The following EYA2 variants were observed in gnomAD, a reference collection of about 807,000 sequenced individuals.
The protein encoded by EYA2 is EYA transcriptional coactivator and phosphatase 2.
In EYA2, 31 loss-of-function variants were observed where a neutral mutation model predicts 69.2. The ratio of observed to expected loss-of-function variants is 0.45; its 90% CI spans 0.34 to 0.60. The LOEUF is 0.60. EYA2 is among the 20% of genes least tolerant of loss of function. EYA2 has a pLI of 0.02. For synonymous variants in EYA2, 257 were observed against 279.4 expected (o/e 0.92, Z 0.80); for missense variants, 622 against 701.2 (o/e 0.89, Z 1.28).
intron 1 of EYA2, among the ~76,000 whole-genome samples, chr20:46,976,927 TAAC>T (rs1468015525): frequency 6.6e-6 from 1 of 152,092 alleles, no homozygotes; most frequent in Non-Finnish European, 1.5e-5. Context: ...TTCGTTCTCA[TAAC>T]AACAACATGG....
intron 11 of EYA2, 86 bp downstream of exon 11, chr20:47,169,283 G>A: frequency 2.2e-6 from 3 of 1,345,502 alleles, no homozygotes; most frequent in Non-Finnish European, 3.2e-6. Flanking sequence ...GGTGGGAGAG[G>A]AGGGCTGCTT....
intron 9 of EYA2, among the ~76,000 whole-genome samples, chr20:47,124,895 GAGGC>G (rs2033140071): frequency 6.6e-6 from 1 of 150,984 alleles, no homozygotes; most frequent in Admixed American, 6.6e-5. Context: ...AAAATTCTAA[GAGGC>G]TGAATAGTTG....
chr20:46,922,750 G>A (rs949484746), intron 1 of EYA2, among the ~76,000 whole-genome samples: 5 of 152,170 alleles, frequency 3.3e-5, no homozygotes, highest in Non-Finnish European at 7.3e-5. Flanking sequence ...CTGAATTTGG[G>A]GTGGGGATGT....
chr20:47,010,199 T>C (rs1352028334), intron 4 of EYA2, among the ~76,000 whole-genome samples: 1 of 152,206 alleles, frequency 6.6e-6, no homozygotes, highest in Non-Finnish European at 1.5e-5. Flanking sequence ...GCAAAGAATT[T>C]TCATTGTCTC....
chr20:46,987,916 G>GACTCTCTCTCCCTCCC lies in EYA2; in HGVS notation c.-10-2085_-10-2084insACTCTCTCTCCCTCCC, dbSNP rs56288405. On this transcript the variant is annotated intron_variant, in intron 1 of 15. Transcript: ENST00000327619. The stretch of plus-strand genomic sequence containing the variant: ...TACTCCAGCCTGGAAGACAGAGTAA[G>GACTCTCTCTCCCTCCC]TCTCTCTCTCTCTCTCTCTCTCTCT... 9.8e-5 allele frequency among the ~76,000 whole-genome samples: 2 copies of GACTCTCTCTCCCTCCC among 20,376 alleles called. 1 individual carries two copies. The highest frequency in any genetic ancestry group is 1.4e-3 in the Admixed American group (2 of 1,454). The allele number at this position is 20,376 out of a possible 152,430, so 13.4% of individuals were successfully genotyped here. A position where few individuals can be genotyped will look rare whatever the true frequency, so the allele number is the denominator to read the frequency against.
intron 1 of EYA2, among the ~76,000 whole-genome samples, chr20:46,914,402 C>G (rs558375633): frequency 6.6e-6 from 1 of 152,328 alleles, no homozygotes; most frequent in East Asian, 1.9e-4. Flanking sequence ...ACTCCATTCT[C>G]ACACTGCCAA....
intron 1 of EYA2, among the ~76,000 whole-genome samples, chr20:46,959,076 TCAAA>T (rs1979312450): frequency 1.3e-5 from 2 of 152,214 alleles, no homozygotes; most frequent in Non-Finnish European, 2.9e-5. Context: ...GGATTGTGAG[TCAAA>T]TGTTATTTCT....
At chr20:47,021,515 T>A (rs1983743796) in intron 5 of EYA2, among the ~76,000 whole-genome samples, 2 of 151,042 alleles carry the variant, frequency 1.3e-5, no homozygotes, top group African/African-American at 4.9e-5. Context: ...CAATTCCAGC[T>A]ACTTGGGAGG....
chr20:47,132,971 A>G (rs778866205), intron 9 of EYA2, among the ~76,000 whole-genome samples: 2 of 152,216 alleles, frequency 1.3e-5, no homozygotes, highest in Non-Finnish European at 2.9e-5. Context: ...GGCCTTGTCT[A>G]TGCCGCAAAC....
At chr20:46,926,076 A>G (rs1426235799) in intron 1 of EYA2, among the ~76,000 whole-genome samples, 1 of 152,236 alleles carries the variant, frequency 6.6e-6, no homozygotes, top group East Asian at 1.9e-4. Flanking sequence ...TATTCGTTTA[A>G]GAAGCAAGTG....
intron 2 of EYA2, among the ~76,000 whole-genome samples, chr20:46,990,873 G>A (rs566509233): frequency 5.9e-5 from 9 of 152,236 alleles, no homozygotes; most frequent in East Asian, 1.9e-4. Context: ...TGTAACTGTC[G>A]TGGAAAACCA....
At chr20:46,951,685 C>T (rs1482811486) in intron 1 of EYA2, among the ~76,000 whole-genome samples, 1 of 152,218 alleles carries the variant, frequency 6.6e-6, no homozygotes, top group Non-Finnish European at 1.5e-5. Flanking sequence ...CCCCACTAAC[C>T]TGCTGTGGGA....
intron 5 of EYA2, 72 bp from the exon 6 acceptor site, chr20:47,072,113 A>G (rs1028809066): frequency 2.9e-6 from 4 of 1,396,764 alleles, no homozygotes; most frequent in Non-Finnish European, 4.1e-6. Context: ...GGTTCATGAA[A>G]TGCTAACAAC....
Position 47,071,157 on chromosome 20 carries a change from A to T in EYA2, c.416-1028A>T, listed in dbSNP as rs576947026. On this transcript the variant is annotated intron_variant, in intron 5 of 15. Transcript: ENST00000327619. ...CCCTAGTAGCTGGGATTACAGGCAC[A>T]CACCACCACGCCTGGCTAATTTTTG... Among the ~76,000 whole-genome samples, 71 of 152,136 alleles carry T rather than the reference A, an allele frequency of 4.7e-4. No individual in the cohort carries two copies. The East Asian group carries it at 6.8e-3, about 15-fold the overall frequency.
chr20:47,136,842 C>T (rs2033488642), intron 9 of EYA2, among the ~76,000 whole-genome samples: 1 of 152,122 alleles, frequency 6.6e-6, no homozygotes, highest in Non-Finnish European at 1.5e-5. Context: ...AGTTCCAACT[C>T]GAAACCTCTT....
At position 47,074,354 on chromosome 20, in the gene EYA2, G is replaced by GGGGCC. The variant is rs1258729053; in HGVS notation, c.661+20_661+24dup. ...CTTGCTGGTAGGTGCAGTCACTGGT[G>GGGGCC]GGGCCATTCATGGCTGTGGTCTGAG... On this transcript the variant is annotated intron_variant, in intron 7 of 15. Transcript: ENST00000327619. 2 of 1,612,324 alleles carry GGGGCC rather than the reference G, an allele frequency of 1.2e-6. No homozygotes were observed. The highest frequency in any genetic ancestry group is 4.5e-5 in the East Asian group (2 of 44,824).
intron 1 of EYA2, among the ~76,000 whole-genome samples, chr20:46,970,853 TG>T (rs1980094005): frequency 6.6e-6 from 1 of 152,200 alleles, no homozygotes; most frequent in South Asian, 2.1e-4. Flanking sequence ...ATTGTGGCTA[TG>T]TTTTCAAAAA....
At chr20:47,002,187 T>C (rs536867498) in intron 3 of EYA2, among the ~76,000 whole-genome samples, 6 of 150,428 alleles carry the variant, frequency 4.0e-5, no homozygotes, top group Non-Finnish European at 4.4e-5. Context: ...TTCCCCTCCC[T>C]CCTTTCATCA....
chr20:47,033,143 C>T (rs559605978), intron 5 of EYA2, among the ~76,000 whole-genome samples: 8 of 152,232 alleles, frequency 5.3e-5, no homozygotes, highest in Admixed American at 3.9e-4. Flanking sequence ...GAGCCCTAGC[C>T]GGCTGCCTGA....
Sources: allele counts gnomAD v4.1 joint callset (sites outside exome capture counted in the v4.1 genomes callset), GRCh38; gene constraint gnomAD v4.1.1; transcripts MANE v1.5; gene names NCBI Gene and HGNC (gene_info 2026-07-23, HGNC 2026-07-21).